SLC25A51: variants seen among roughly 807,000 people sequenced by gnomAD.
SLC25A51 encodes mitochondrial nicotinamide adenine dinucleotide transporter SLC25A51.
A neutral mutation model predicts 19.1 loss-of-function variants in SLC25A51; 11 were observed. The ratio of observed to expected loss-of-function variants is 0.58; its 90% CI spans 0.36 to 0.96. The LOEUF (loss-of-function observed/expected upper bound fraction) is 0.96. SLC25A51 is among the 40% of genes least tolerant of loss of function. The pLI is 0.01. For missense variants in SLC25A51, 201 were observed against 365.4 expected (o/e 0.55, Z 3.67); for synonymous variants, 105 against 133.6 (o/e 0.79, Z 1.47).
At chr9:37,890,783 C>T (rs1831565949) in intron 2 of SLC25A51, among the ~76,000 whole-genome samples, 1 of 152,068 alleles carries the variant, frequency 6.6e-6, no homozygotes, top group African/African-American at 2.4e-5. Flanking sequence ...AGACCTTGTA[C>T]ACCCACGTTC....
At chr9:37,880,921 G>T (rs887764179) in intron 3 of SLC25A51, among the ~76,000 whole-genome samples, 19 of 152,122 alleles carry the variant, frequency 1.2e-4, no homozygotes, top group Admixed American at 7.2e-4. Context: ...TGGGTTAAAA[G>T]ATTTCATCAG....
In SLC25A51 at chr9:37,899,817, A is replaced by C. The variant is rs1323926099; in HGVS notation, c.-43+12T>G. 1 of 136,416 alleles carries C rather than the reference A, an allele frequency of 7.3e-6. No individual in the cohort carries two copies. Among genetic ancestry groups the C allele is most frequent in the Admixed American group, 9.8e-5 (1 of 10,226 alleles). 8.5% of individuals were successfully genotyped at this position (136,416 alleles called of 1,614,324 possible). A position where few individuals can be genotyped will look rare whatever the true frequency, so the allele number is the denominator to read the frequency against. On this transcript the variant is annotated intron_variant, in intron 2 of 2. Coordinates refer to ENST00000242275, the MANE Select transcript of SLC25A51 (RefSeq NM_033412.4). ...CAAAATGATGTGTTCCTTGAAGTTTAATTGCATTCACCTGTGACATCTGAG... is the reference window on the plus strand; with the variant it reads ...CAAAATGATGTGTTCCTTGAAGTTTCATTGCATTCACCTGTGACATCTGAG...
At chr9:37,879,025 C>A, downstream of SLC25A51, 1 of 272,832 alleles carries the variant, frequency 3.7e-6, no homozygotes, top group South Asian at 4.4e-5. Context: ...ATCAGAAAGT[C>A]AGTGCAGTGT....
intron 2 of SLC25A51, among the ~76,000 whole-genome samples, chr9:37,882,493 T>C (rs1249732276): frequency 6.6e-6 from 1 of 152,230 alleles, no homozygotes; most frequent in African/African-American, 2.4e-5. Context: ...CACAAACGCT[T>C]CTGTTTTATT....
intron 2 of SLC25A51, among the ~76,000 whole-genome samples, chr9:37,898,492 T>G (rs915959595): frequency 3.3e-5 from 5 of 151,562 alleles, no homozygotes; most frequent in Non-Finnish European, 7.4e-5. Context: ...GAGGCGGAGG[T>G]TGCAGTGAGT....
rs144931704 is a variant in SLC25A51, at chr9:37,891,061, T to C, written c.-42-2469A>G. ...GAGCTGAGGCACAGAAAGAATCAGA[T>C]AGCATTAGTTCCTAAGGGGCGTATA... On this transcript the variant is annotated intron_variant, in intron 2 of 2. Coordinates refer to ENST00000242275, the MANE Select transcript of SLC25A51 (RefSeq NM_033412.4). 2.3e-3 allele frequency among the ~76,000 whole-genome samples: 350 copies of C among 152,306 alleles called. 2 individuals carry two copies. Among genetic ancestry groups the C allele is most frequent in the African/African-American group, 7.5e-3 (311 of 41,562 alleles).
At position 37,900,449 on chromosome 9, in the gene SLC25A51, G is replaced by GA. The variant is rs543345911; in HGVS notation, c.-164-500dup. 4.3e-3 allele frequency among the ~76,000 whole-genome samples: 564 copies of GA among 130,858 alleles called. 1 individual carries two copies. The highest frequency in any genetic ancestry group is 0.012 in the Middle Eastern group (3 of 256). The allele number at this position is 130,858 out of a possible 152,430, so 85.8% of individuals were successfully genotyped here. A position where few individuals can be genotyped will look rare whatever the true frequency, so the allele number is the denominator to read the frequency against. On this transcript the variant is annotated intron_variant, in intron 1 of 2. Transcript: ENST00000242275. ...GGGCGACACAGCAAGACTCTATCCA[G>GA]AAAAAAAAAAAAAAATGACAGGGTC...
downstream of SLC25A51, chr9:37,886,083 A>G: frequency 6.4e-7 from 1 of 1,557,244 alleles, no homozygotes. Flanking sequence ...GGGACGGTGG[A>G]TGCTGGACGC....
At chr9:37,903,762 TGCCTCCCCA>T (rs1397267122) in intron 1 of SLC25A51, 1 of 152,002 alleles carries the variant, frequency 6.6e-6, no homozygotes, top group African/African-American at 2.4e-5. Flanking sequence ...ACCAGGGAGG[TGCCTCCCCA>T]GCCCAGGGCG....
downstream of SLC25A51, chr9:37,885,928 TA>T: frequency 6.2e-7 from 1 of 1,611,184 alleles, no homozygotes; most frequent in Non-Finnish European, 8.5e-7. Context: ...ACTTCAATGA[TA>T]AAACCATTGA....
chr9:37,895,365 C>CT (rs1039284688), intron 2 of SLC25A51, among the ~76,000 whole-genome samples: 2,353 of 138,216 alleles, frequency 0.017, 68 homozygotes, highest in African/African-American at 0.056. Context: ...CCACATTCGG[C>CT]TTTTTTTTTT....
At chr9:37,900,737 T>C in intron 1 of SLC25A51, among the ~76,000 whole-genome samples, 1 of 152,124 alleles carries the variant, frequency 6.6e-6, no homozygotes, top group Admixed American at 6.5e-5. Flanking sequence ...AAAAAATTAC[T>C]TCTAACCTGT....
chr9:37,882,673 C>T (rs574302305), downstream of SLC25A51, among the ~76,000 whole-genome samples: 1 of 152,292 alleles, frequency 6.6e-6, no homozygotes, highest in South Asian at 2.1e-4. Context: ...GTCCTGAGGG[C>T]TCATACCACT....
intron 2 of SLC25A51, among the ~76,000 whole-genome samples, chr9:37,894,810 C>T (rs548020158): frequency 6.6e-6 from 1 of 152,262 alleles, no homozygotes; most frequent in Admixed American, 6.5e-5. Context: ...TGTGTTGTTC[C>T]TCTCTATGTG....
chr9:37,904,039 G>C (rs1361524178), intron 1 of SLC25A51, 29 bp downstream of exon 1: 1 of 152,416 alleles, frequency 6.6e-6, no homozygotes, highest in African/African-American at 2.4e-5. Flanking sequence ...AGAAAGCCCG[G>C]TGCTTCCCCA....
intron 1 of SLC25A51, 36 bp downstream of exon 1, chr9:37,904,032 A>G (rs1448842494): frequency 6.6e-6 from 1 of 152,370 alleles, no homozygotes; most frequent in Admixed American, 6.5e-5. Flanking sequence ...CATGCGAAGA[A>G]AGCCCGGTGC....
At chr9:37,897,109 ATTTAC>A (rs1831733103) in intron 2 of SLC25A51, among the ~76,000 whole-genome samples, 1 of 152,178 alleles carries the variant, frequency 6.6e-6, no homozygotes, top group African/African-American at 2.4e-5. Context: ...GTATCTTCCT[ATTTAC>A]TTATAACTTT....
chr9:37,886,609 A>G (rs905634437), downstream of SLC25A51, among the ~76,000 whole-genome samples: 5 of 152,186 alleles, frequency 3.3e-5, no homozygotes, highest in African/African-American at 1.2e-4. Flanking sequence ...AGCAAGAAAG[A>G]GATCTCACAG....
downstream of SLC25A51, among the ~76,000 whole-genome samples, chr9:37,884,874 TCA>T (rs2118298689): frequency 6.6e-6 from 1 of 152,300 alleles, no homozygotes; most frequent in African/African-American, 2.4e-5. Context: ...GGGTTGAAGA[TCA>T]CAGTCAGAAT....
Sources: allele counts gnomAD v4.1 joint callset (sites outside exome capture counted in the v4.1 genomes callset), GRCh38; gene constraint gnomAD v4.1.1; transcripts MANE v1.5; gene names NCBI Gene and HGNC (gene_info 2026-07-23, HGNC 2026-07-21).